Variants in PARP1 observed in about 807,000 individuals in gnomAD.
PARP1 encodes poly [ADP-ribose] polymerase 1.
PARP1 carries 44 observed loss-of-function variants against 118.7 expected under a neutral mutation model. That is an observed-to-expected ratio of 0.37 (90% CI 0.29 to 0.48). The LOEUF (loss-of-function observed/expected upper bound fraction) is 0.48. Among genes scored for constraint, PARP1 ranks in the 20% least tolerant of loss-of-function variants. The probability of loss-of-function intolerance (pLI) is 0.99; values close to 1 mark genes in which losing one functional copy is unlikely to be tolerated. For missense variants in PARP1, 1,100 were observed against 1,272.4 expected (o/e 0.86, Z 2.06); for synonymous variants, 492 against 483.2 (o/e 1.02, Z -0.24).
intron 21 of PARP1, 28 bp from the exon 22 acceptor site, chr1:226,362,111 G>C (rs762041561): frequency 8.0e-7 from 1 of 1,257,650 alleles, no homozygotes; most frequent in African/African-American, 1.5e-5. Flanking sequence ...CAAGTGACAT[G>C]AACTGTGAGT....
intron 7 of PARP1, among the ~76,000 whole-genome samples, chr1:226,384,441 CTT>C (rs1664679597): frequency 6.6e-6 from 1 of 152,280 alleles, no homozygotes; most frequent in African/African-American, 2.4e-5. Flanking sequence ...AGACCAAAAA[CTT>C]GTCTCGCACA....
intron 2 of PARP1, among the ~76,000 whole-genome samples, chr1:226,400,098 A>G (rs192301581): frequency 1.3e-3 from 193 of 152,342 alleles, no homozygotes; most frequent in Non-Finnish European, 2.5e-3. Context: ...GATTTTGTGC[A>G]TGATACAAGA....
At chr1:226,374,501 A>T in intron 13 of PARP1, 147 bp from the exon 14 acceptor site, 1 of 885,096 alleles carries the variant, frequency 1.1e-6, no homozygotes, top group Non-Finnish European at 1.8e-6. Flanking sequence ...AGGTGTGGAA[A>T]ACAGTGGCCA....
chr1:226,386,048 G>A (rs1039809549), intron 6 of PARP1, among the ~76,000 whole-genome samples: 1 of 152,222 alleles, frequency 6.6e-6, no homozygotes, highest in African/African-American at 2.4e-5. Context: ...CCCCTCAGGA[G>A]GGGGCTCTCC....
At chr1:226,380,847 C>T (rs1242772898) in intron 9 of PARP1, among the ~76,000 whole-genome samples, 1 of 152,154 alleles carries the variant, frequency 6.6e-6, no homozygotes, top group East Asian at 1.9e-4. Context: ...CCTATAGTAG[C>T]TTACCGTCTT....
chr1:226,379,437 T>C (rs1289012141), intron 11 of PARP1, 136 bp downstream of exon 11: 2 of 1,159,470 alleles, frequency 1.7e-6, no homozygotes, highest in Middle Eastern at 2.0e-4. Flanking sequence ...GGGGAGCTGG[T>C]GAAGGAGGCC....
intron 2 of PARP1, chr1:226,392,942 A>G: frequency 6.4e-7 from 1 of 1,572,778 alleles, no homozygotes; most frequent in Non-Finnish European, 8.5e-7. Flanking sequence ...AGACGAAGCT[A>G]TCTTCCCATC....
Position 226,386,344 on chromosome 1 carries a change from C to T in PARP1, c.816G>A (p.Val272=). Residue 272 remains valine (V), a synonymous_variant, in exon 6 of 23, where the codon GTG becomes GTA. Coordinates refer to ENST00000366794, the MANE Select transcript of PARP1 (RefSeq NM_001618.4). Reference sequence around the variant, plus strand: ...AGCTCACCGCCGACTCCCCAGAAGGCACTTGCTGCTTGTTGAAGATGAGTA... The same window carrying T: ...AGCTCACCGCCGACTCCCCAGAAGGTACTTGCTGCTTGTTGAAGATGAGTA... ...KELLIFNKQQ[V]PSGESAILDR... is the part of the protein sequence containing the mutation. 6.2e-7 allele frequency: 1 copy of T among 1,610,608 alleles called. No individual in the cohort carries two copies. Among genetic ancestry groups the T allele is most frequent in the South Asian group, 1.1e-5 (1 of 91,026 alleles).
intron 4 of PARP1, 23 bp downstream of exon 4, chr1:226,390,387 C>T (rs761691326): frequency 3.9e-5 from 62 of 1,608,824 alleles, no homozygotes; most frequent in Non-Finnish European, 5.0e-5. Flanking sequence ...ACCCCCAGGG[C>T]AACCCCGCAG....
chr1:226,385,431 A>G (rs1164429152), intron 7 of PARP1, 73 bp downstream of exon 7: 3 of 1,291,058 alleles, frequency 2.3e-6, no homozygotes, highest in Non-Finnish European at 3.4e-6. Context: ...AGGGACCTGA[A>G]GTATAAACAA....
chr1:226,362,549 T>C (rs767242862), intron 21 of PARP1, among the ~76,000 whole-genome samples: 3 of 152,198 alleles, frequency 2.0e-5, no homozygotes, highest in African/African-American at 4.8e-5. Flanking sequence ...ATGAGAACAG[T>C]GGCAGTACCC....
intron 2 of PARP1, among the ~76,000 whole-genome samples, chr1:226,400,684 G>GCCACTTCCAGA (rs1665018535): frequency 2.0e-5 from 3 of 152,168 alleles, no homozygotes; most frequent in Non-Finnish European, 2.9e-5. Flanking sequence ...GAGTCCTCCC[G>GCCACTTCCAGA]CCACTTCCAG....
chr1:226,382,122 G>C (rs936763976), intron 8 of PARP1, among the ~76,000 whole-genome samples: 2 of 152,134 alleles, frequency 1.3e-5, no homozygotes, highest in Non-Finnish European at 2.9e-5. Flanking sequence ...GATATGAAAA[G>C]GAAGTCAATA....
chr1:226,402,516 G>A, intron 1 of PARP1, 137 bp from the exon 2 acceptor site: 1 of 810,624 alleles, frequency 1.2e-6, no homozygotes, highest in Non-Finnish European at 2.1e-6. Flanking sequence ...TCTCCTATCT[G>A]TGAAAGGAGG....
intron 1 of PARP1, 98 bp downstream of exon 1, chr1:226,407,712 C>T: frequency 8.0e-7 from 1 of 1,257,810 alleles, no homozygotes; most frequent in Non-Finnish European, 1.1e-6. Context: ...AGGGCCCGGG[C>T]CCGCTCGCTC....
At chr1:226,384,992 C>T (rs1448039267) in intron 7 of PARP1, among the ~76,000 whole-genome samples, 1 of 152,196 alleles carries the variant, frequency 6.6e-6, no homozygotes, top group Non-Finnish European at 1.5e-5. Flanking sequence ...TAGAACCCCA[C>T]CAGCCGGCTC....
At chr1:226,397,398 C>T (rs116390950) in intron 2 of PARP1, among the ~76,000 whole-genome samples, 5 of 152,256 alleles carry the variant, frequency 3.3e-5, no homozygotes, top group African/African-American at 4.8e-5. Flanking sequence ...AATTCTGAGC[C>T]GTTACTAACC....
At chr1:226,377,390 G>A (rs933996870) in intron 12 of PARP1, 87 bp from the exon 13 acceptor site, 34 of 1,004,826 alleles carry the variant, frequency 3.4e-5, no homozygotes, top group South Asian at 2.4e-4. Context: ...TTACATTCAC[G>A]TGGGGAAGAA....
intron 14 of PARP1, among the ~76,000 whole-genome samples, chr1:226,373,590 C>G (rs1664435623): frequency 6.6e-6 from 1 of 152,204 alleles, no homozygotes; most frequent in Admixed American, 6.5e-5. Flanking sequence ...GCAGTCTCTG[C>G]CATTCTGCCC....
Sources: gnomAD v4.1 joint callset for allele counts (sites outside exome capture counted in the v4.1 genomes callset) on GRCh38, gnomAD v4.1.1 for gene constraint, MANE v1.5 for transcripts, NCBI Gene and HGNC (gene_info 2026-07-23, HGNC 2026-07-21) for gene names.